The following GABBR2 variants were observed in gnomAD, a reference collection of about 807,000 sequenced individuals.
The protein encoded by GABBR2 is G-protein coupled receptor 51.
A neutral mutation model predicts 105.6 loss-of-function variants in GABBR2; 23 were observed. The observed-to-expected ratio is 0.22, with a 90% CI of 0.16 to 0.31. The LOEUF (loss-of-function observed/expected upper bound fraction) is 0.31. Among genes scored for constraint, GABBR2 ranks in the 10% least tolerant of loss-of-function variants. The pLI, the probability that GABBR2 is intolerant of heterozygous loss-of-function variation, is 1.00. For synonymous variants in GABBR2, 478 were observed against 499.7 expected (o/e 0.96, Z 0.58); for missense variants, 734 against 1,245.5 (o/e 0.59, Z 6.18).
rs146465071 is a variant in GABBR2, at chr9:98,299,360, G to A, written c.2413-7C>T. The A allele has an allele frequency of 6.2e-7, 1 of 1,613,916 alleles. No individual in the cohort carries two copies. The highest frequency in any genetic ancestry group is 2.2e-5 in the East Asian group (1 of 44,884). On this transcript the variant is annotated splice_polypyrimidine_tract_variant and splice_region_variant and intron_variant, in intron 16 of 18. Coordinates refer to ENST00000259455, the MANE Select transcript of GABBR2 (RefSeq NM_005458.8). ...CTTCCAAGTCTTTATCCAGCTACAA[G>A]ACAAAGGTTCCAGTTGAGTCAGGTC...
chr9:98,638,286 C>T (rs1329267379), intron 1 of GABBR2, among the ~76,000 whole-genome samples: 3 of 152,190 alleles, frequency 2.0e-5, no homozygotes, highest in African/African-American at 7.2e-5. Flanking sequence ...AAGTCTGAAA[C>T]CACAGACTCA....
At chr9:98,518,300 C>T (rs886447919) in intron 3 of GABBR2, among the ~76,000 whole-genome samples, 39 of 152,284 alleles carry the variant, frequency 2.6e-4, no homozygotes, top group Non-Finnish European at 5.0e-4. Flanking sequence ...CTGTTTCTTG[C>T]CAGGACGCTA....
chr9:98,651,142 T>TTTTG (rs1564141640), intron 1 of GABBR2, among the ~76,000 whole-genome samples: 2 of 132,338 alleles, frequency 1.5e-5, no homozygotes. Flanking sequence ...CACACTGGTT[T>TTTTG]TTTTTTTTTT....
At chr9:98,348,411 T>C (rs1459525929) in intron 13 of GABBR2, among the ~76,000 whole-genome samples, 1 of 152,238 alleles carries the variant, frequency 6.6e-6, no homozygotes, top group Non-Finnish European at 1.5e-5. Context: ...GCCTTGGCTA[T>C]TCAGGGTCTT....
intron 1 of GABBR2, among the ~76,000 whole-genome samples, chr9:98,605,003 G>A (rs1829392656): frequency 6.6e-6 from 1 of 152,168 alleles, no homozygotes; most frequent in Non-Finnish European, 1.5e-5. Flanking sequence ...GGCTGACGTG[G>A]TCCCTGCCCT....
In GABBR2 at chr9:98,454,004, C is replaced by T. The variant is rs757532252; in HGVS notation, c.1213G>A (p.Glu405Lys). The change falls in exon 7 of 19, where the codon GAG becomes AAG. Residue 405 changes from glutamate (E) to lysine (K), a missense_variant. Physicochemically the swap from Glu to Lys is moderately conservative, Grantham distance 56. Transcript: ENST00000259455. This position sits in a 1 kb window ranked among gnomAD's most constrained non-coding sequence, Gnocchi z 4.6. ...LGRIILNAMN[E>K]TNFFGVTGQV... Reference sequence around the variant, plus strand: ...ACCGTGACCCCGAAGAAGTTGGTCTCGTTCATGGCATTGAGGATGATCCTG... The same window carrying T: ...ACCGTGACCCCGAAGAAGTTGGTCTTGTTCATGGCATTGAGGATGATCCTG... 4 of 1,613,812 alleles carry T rather than the reference C, an allele frequency of 2.5e-6. No individual in the cohort carries two copies. Among genetic ancestry groups the T allele is most frequent in the Non-Finnish European group, 2.5e-6 (3 of 1,179,680 alleles).
intron 7 of GABBR2, among the ~76,000 whole-genome samples, chr9:98,414,808 T>C (rs1832657991): frequency 6.6e-6 from 1 of 152,176 alleles, no homozygotes; most frequent in African/African-American, 2.4e-5. Context: ...CACAAGTTCC[T>C]GATCCTTCAT....
At chr9:98,423,700 T>TAATG (rs1294562530) in intron 7 of GABBR2, among the ~76,000 whole-genome samples, 1 of 152,250 alleles carries the variant, frequency 6.6e-6, no homozygotes, top group African/African-American at 2.4e-5. Flanking sequence ...TCCTGAATGG[T>TAATG]AATGCCTAGG....
chr9:98,594,158 A>G (rs1015054203), intron 1 of GABBR2, among the ~76,000 whole-genome samples: 1 of 152,146 alleles, frequency 6.6e-6, no homozygotes, highest in Non-Finnish European at 1.5e-5. Context: ...TCCAGGCTGC[A>G]CAAGCAGCCT....
chr9:98,298,516 C>T (rs1429889162), intron 17 of GABBR2, among the ~76,000 whole-genome samples: 1 of 152,232 alleles, frequency 6.6e-6, no homozygotes, highest in East Asian at 1.9e-4. Flanking sequence ...GCTAGACTGA[C>T]TTCTAATGCA....
At chr9:98,515,272 A>T (rs1208863316) in intron 3 of GABBR2, among the ~76,000 whole-genome samples, 1 of 152,164 alleles carries the variant, frequency 6.6e-6, no homozygotes, top group Non-Finnish European at 1.5e-5. Flanking sequence ...GCCCATGGGG[A>T]GCTGCCTAGG....
chr9:98,574,455 T>A (rs1203883778), intron 2 of GABBR2, among the ~76,000 whole-genome samples: 1 of 152,156 alleles, frequency 6.6e-6, no homozygotes, highest in Admixed American at 6.5e-5. Flanking sequence ...TGGAAGCAGA[T>A]CCTTCGGCCC....
intron 7 of GABBR2, among the ~76,000 whole-genome samples, chr9:98,427,438 A>C (rs892690825): frequency 6.6e-6 from 1 of 152,156 alleles, no homozygotes; most frequent in Non-Finnish European, 1.5e-5. Context: ...CAGAGTGCAC[A>C]TTTATTTTTC....
At chr9:98,513,864 C>G (rs1205782158) in intron 3 of GABBR2, among the ~76,000 whole-genome samples, 4 of 152,170 alleles carry the variant, frequency 2.6e-5, no homozygotes, top group Non-Finnish European at 5.9e-5. Context: ...CCTCAGGGAT[C>G]TAGAAGTAGA....
At chr9:98,304,493 C>T (rs1830519243) in intron 15 of GABBR2, among the ~76,000 whole-genome samples, 2 of 152,194 alleles carry the variant, frequency 1.3e-5, no homozygotes, top group African/African-American at 4.8e-5. Context: ...GCCTCTTTTA[C>T]AGGATGGAAA....
intron 1 of GABBR2, among the ~76,000 whole-genome samples, chr9:98,637,816 C>T (rs543283290): frequency 1.3e-5 from 2 of 152,202 alleles, no homozygotes; most frequent in African/African-American, 4.8e-5. Context: ...TTCTGACCTC[C>T]AGAACTATCA....
At chr9:98,478,188 G>A (rs973947977) in intron 5 of GABBR2, among the ~76,000 whole-genome samples, 2 of 152,206 alleles carry the variant, frequency 1.3e-5, no homozygotes, top group African/African-American at 2.4e-5. Context: ...ACAGCAACAC[G>A]CTGTAAAGTT....
chr9:98,395,516 G>A (rs1247654128), intron 8 of GABBR2, among the ~76,000 whole-genome samples: 1 of 151,868 alleles, frequency 6.6e-6, no homozygotes, highest in East Asian at 1.9e-4. Context: ...AAGAGGAGAG[G>A]ATCAAGTGCA....
intron 1 of GABBR2, among the ~76,000 whole-genome samples, chr9:98,667,233 T>A (rs1218017264): frequency 6.6e-6 from 1 of 152,182 alleles, no homozygotes; most frequent in Non-Finnish European, 1.5e-5. Flanking sequence ...AGTTTGTCCC[T>A]CTAACTTCCT....
Sources: allele counts gnomAD v4.1 joint callset (sites outside exome capture counted in the v4.1 genomes callset), GRCh38; gene constraint gnomAD v4.1.1; non-coding constraint Gnocchi (gnomAD v3.1); transcripts MANE v1.5; gene names NCBI Gene and HGNC (gene_info 2026-07-23, HGNC 2026-07-21).